The following AKAP14 variants were observed in gnomAD, a reference collection of about 807,000 sequenced individuals.
The protein encoded by AKAP14 is A-kinase anchor protein 14.
A neutral mutation model predicts 17.0 loss-of-function variants in AKAP14; 4 were observed. The observed-to-expected ratio is 0.23, with a 90% CI of 0.12 to 0.54. The LOEUF (loss-of-function observed/expected upper bound fraction) is 0.54, where lower values mean the gene tolerates loss of function less well. Among genes scored for constraint, AKAP14 ranks in the 20% least tolerant of loss-of-function variants. AKAP14 has a pLI of 0.95. For synonymous variants in AKAP14, 42 were observed against 51.3 expected, an observed-to-expected ratio of 0.82 and a Z score of 0.77; for missense variants, 129 against 150.9, an observed-to-expected ratio of 0.85 and a Z score of 0.76.
At position 119,915,994 on chromosome X, in the gene AKAP14, T is replaced by C. The variant is rs1289166467; in HGVS notation, c.441+1116T>C. ...AAAACAAATTTTTCTTTTTCTTTTT[T>C]TTTTTAAGAGATGGTGTCTTGCTTT... On this transcript the variant is annotated intron_variant, in intron 5 of 6. Transcript: ENST00000371431. Among the ~76,000 whole-genome samples, 16 of 110,577 alleles carry C rather than the reference T, an allele frequency of 1.4e-4. No homozygotes were observed. In the Admixed American group the frequency reaches 1.6e-3, roughly 11 times the overall value.
At chrX:119,913,151 T>TAAAA (rs768107378) in intron 4 of AKAP14, among the ~76,000 whole-genome samples, 1 of 69,643 alleles carries the variant, frequency 1.4e-5, no homozygotes, top group Middle Eastern at 7.9e-3. Flanking sequence ...AATAAATAAA[T>TAAAA]AAAATAAAAT....
intron 4 of AKAP14, among the ~76,000 whole-genome samples, chrX:119,906,225 CTTTTTTTTTTTTTTT>C (rs10637499): frequency 2.0e-5 from 1 of 50,887 alleles, no homozygotes; most frequent in Non-Finnish European, 3.3e-5. Flanking sequence ...CCTGGCATTT[CTTTTTTTTTTTTTTT>C]TTTTTTTTTT....
chrX:119,897,406 G>A lies in AKAP14; in HGVS notation c.-11+1139G>A, dbSNP rs367708707. ...GATCTCCTGACCTCGTGATCCGCCC[G>A]CCTTGGCCTCCCAAAGTGCTGGGAT... On this transcript the variant is annotated intron_variant, in intron 2 of 6. Coordinates refer to ENST00000371431, the MANE Select transcript of AKAP14 (RefSeq NM_178813.6). Among the ~76,000 whole-genome samples the A allele has an allele frequency of 3.3e-4, 34 of 104,596 alleles. 1 individual carries two copies. Among genetic ancestry groups the A allele is most frequent in the Middle Eastern group, 6.3e-3 (1 of 159 alleles). 90.8% of individuals were successfully genotyped at this position (104,596 alleles called of 115,157 possible).
intron 2 of AKAP14, among the ~76,000 whole-genome samples, chrX:119,900,742 G>C (rs1288316956): frequency 9.0e-6 from 1 of 110,878 alleles, no homozygotes; most frequent in Non-Finnish European, 1.9e-5. Context: ...TTGCTATGTT[G>C]TCCAGGCTGA....
Position 119,903,200 on chromosome X carries a change from C to CT in AKAP14, c.-10-7dup. The CT allele has an allele frequency of 1.7e-6, 2 of 1,202,193 alleles. No individual in the cohort carries two copies. The highest frequency in any genetic ancestry group is 2.2e-6 in the Non-Finnish European group (2 of 890,513). On this transcript the variant is annotated splice_polypyrimidine_tract_variant and intron_variant, in intron 2 of 6. Transcript: ENST00000371431. ...TACACACACAGGCACACAGTAACTT[C>CT]TTTTTTTCCCCAGGAAAAAGAAAAT...
chrX:119,918,165 C>T (rs1225108592), intron 5 of AKAP14, among the ~76,000 whole-genome samples: 1 of 112,654 alleles, frequency 8.9e-6, no homozygotes, highest in Non-Finnish European at 1.9e-5. Context: ...TCCTCTTTCA[C>T]TCACTTTCCT....
At chrX:119,910,749 G>A (rs775119708) in intron 4 of AKAP14, among the ~76,000 whole-genome samples, 3 of 110,257 alleles carry the variant, frequency 2.7e-5, no homozygotes, top group East Asian at 2.9e-4. Flanking sequence ...CACAATCTCC[G>A]CCTCCCGGGT....
intron 4 of AKAP14, among the ~76,000 whole-genome samples, chrX:119,913,934 A>G (rs1276441999): frequency 4.5e-5 from 5 of 110,190 alleles, no homozygotes; most frequent in Non-Finnish European, 9.5e-5. Context: ...TTTGACCCCA[A>G]TAAAAAAATA....
intron 5 of AKAP14, among the ~76,000 whole-genome samples, chrX:119,919,175 G>A (rs1014626059): frequency 9.0e-6 from 1 of 111,690 alleles, no homozygotes; most frequent in Non-Finnish European, 1.9e-5. Context: ...TTTTGGAGGC[G>A]AGGATGGGAG....
chrX:119,902,851 C>T (rs774619765), intron 2 of AKAP14, among the ~76,000 whole-genome samples: 2 of 111,433 alleles, frequency 1.8e-5, no homozygotes, highest in South Asian at 7.6e-4. Flanking sequence ...GCCACCACAC[C>T]CGGCAAATTT....
intron 4 of AKAP14, among the ~76,000 whole-genome samples, chrX:119,904,237 C>T (rs1045042047): frequency 2.7e-5 from 3 of 112,157 alleles, no homozygotes; most frequent in African/African-American, 6.5e-5. Flanking sequence ...TGCACCCAGC[C>T]TCCACCACCA....
intron 5 of AKAP14, among the ~76,000 whole-genome samples, chrX:119,918,909 G>A (rs890659353): frequency 8.9e-6 from 1 of 112,222 alleles, no homozygotes. Flanking sequence ...CACAGTCAGT[G>A]AGCCATCTAT....
chrX:119,902,264 C>T (rs761301580), intron 2 of AKAP14, among the ~76,000 whole-genome samples: 5 of 109,390 alleles, frequency 4.6e-5, no homozygotes, highest in South Asian at 4.0e-4. Flanking sequence ...TTAGTAGAGA[C>T]GAGGTTTCAC....
intron 4 of AKAP14, among the ~76,000 whole-genome samples, chrX:119,906,998 G>A (rs749085840): frequency 1.8e-5 from 2 of 112,246 alleles, no homozygotes; most frequent in Non-Finnish European, 3.8e-5. Context: ...GCATTATCTC[G>A]TTTAATCCTC....
intron 4 of AKAP14, among the ~76,000 whole-genome samples, chrX:119,904,860 G>A (rs1420901775): frequency 9.3e-6 from 1 of 108,027 alleles, no homozygotes; most frequent in Non-Finnish European, 1.9e-5. Context: ...TCTCAATCCT[G>A]GGCGACAGAG....
At chrX:119,896,912 T>C (rs1044045459) in intron 2 of AKAP14, among the ~76,000 whole-genome samples, 5 of 103,456 alleles carry the variant, frequency 4.8e-5, no homozygotes, top group African/African-American at 1.8e-4. Flanking sequence ...TGGTTTCAAG[T>C]GATTCTCCTG....
intron 4 of AKAP14, among the ~76,000 whole-genome samples, chrX:119,912,833 A>T (rs1405458970): frequency 2.7e-5 from 3 of 111,690 alleles, no homozygotes; most frequent in African/African-American, 9.7e-5. Flanking sequence ...CCATCCATGG[A>T]TGTAACCAAC....
rs764721957 is a variant in AKAP14 at position 119,900,100 on chromosome X, T to C, written c.-10-3114T>C. Among the ~76,000 whole-genome samples, 8 of 108,797 alleles carry C rather than the reference T, an allele frequency of 7.4e-5. No individual in the cohort carries two copies. In the East Asian group the frequency reaches 2.3e-3, roughly 32 times the overall value. 94.5% of individuals were successfully genotyped at this position (108,797 alleles called of 115,157 possible). On this transcript the variant is annotated intron_variant, in intron 2 of 6. Coordinates refer to ENST00000371431, the MANE Select transcript of AKAP14 (RefSeq NM_178813.6). ...CTGGCCACCATGCCAGTCCAACTTT[T>C]TTTTTTTTTGAGATGGAGTCTCACT... is the stretch of plus-strand genomic sequence containing the variant.
intron 2 of AKAP14, among the ~76,000 whole-genome samples, chrX:119,901,599 G>A (rs1332217926): frequency 9.1e-6 from 1 of 110,336 alleles, no homozygotes; most frequent in African/African-American, 3.3e-5. Flanking sequence ...CCAGCTACTC[G>A]GGAGGCTGAG....
Sources: allele counts gnomAD v4.1 joint callset (sites outside exome capture counted in the v4.1 genomes callset), GRCh38; gene constraint gnomAD v4.1.1; transcripts MANE v1.5; gene names NCBI Gene and HGNC (gene_info 2026-07-23, HGNC 2026-07-21).